Variants in ZC3H18 observed in about 807,000 individuals in gnomAD.
ZC3H18 encodes zinc finger CCCH-type containing 18.
ZC3H18 carries 8 observed loss-of-function variants against 106.1 expected under a neutral mutation model. The ratio of observed to expected loss-of-function variants is 0.08; its 90% CI spans 0.04 to 0.14. The LOEUF (loss-of-function observed/expected upper bound fraction) is 0.14. Ranked by LOEUF, ZC3H18 falls within the 10% of genes least tolerant of loss-of-function variation. ZC3H18 has a pLI of 1.00. For synonymous variants in ZC3H18, 635 were observed against 522.1 expected (o/e 1.22, Z -2.95); for missense variants, 1,318 against 1,278.4 (o/e 1.03, Z -0.47).
In ZC3H18 at chr16:88,577,722, T is replaced by C. The variant is rs1914853041; in HGVS notation, c.599T>C (p.Ile200Thr). 3 of 1,612,828 alleles carry C rather than the reference T, an allele frequency of 1.9e-6. No individual in the cohort carries two copies. The highest frequency in any genetic ancestry group is 2.5e-6 in the Non-Finnish European group (3 of 1,179,934). The change falls in exon 2 of 18, where the codon ATA becomes ACA. Residue 200 changes from isoleucine to threonine, a missense_variant. Physicochemically the swap from Ile to Thr is moderately conservative, Grantham distance 89 (BLOSUM62 -1). This residue lies in a region of ZC3H18 where 346 missense variants were observed against 269.0 expected (regional missense o/e 1.29). Transcript: ENST00000301011. ...DDDGEIDDGE[I>T]DDDDLEEGEV... ...GATGGAGAAATCGATGATGGGGAAA[T>C]AGACGTGAGTATGATGGAGCAGAGC...
At chr16:88,570,804 C>G (rs991528887) in intron 1 of ZC3H18, among the ~76,000 whole-genome samples, 1 of 152,112 alleles carries the variant, frequency 6.6e-6, no homozygotes, top group Non-Finnish European at 1.5e-5. Context: ...CCTGGGCGCC[C>G]GAGCTCCTCG....
intron 2 of ZC3H18, among the ~76,000 whole-genome samples, chr16:88,581,290 A>G (rs1915114195): frequency 6.6e-6 from 1 of 152,094 alleles, no homozygotes; most frequent in South Asian, 2.1e-4. Context: ...CCCTGGCCTG[A>G]TTTATCATTC....
chr16:88,603,712 T>C lies in ZC3H18; in HGVS notation c.1088+3764T>C, dbSNP rs1317485347. ...ATCTGGGCTCACTGCAAGCTCTGCCTCCTGGGTTCACGCCATTCTTCTGCC... is the reference window on the plus strand; with the variant it reads ...ATCTGGGCTCACTGCAAGCTCTGCCCCCTGGGTTCACGCCATTCTTCTGCC... On this transcript the variant is annotated intron_variant, in intron 6 of 17. Coordinates refer to ENST00000301011, the MANE Select transcript of ZC3H18 (RefSeq NM_144604.4). Among the ~76,000 whole-genome samples the C allele has an allele frequency of 2.0e-5, 3 of 148,766 alleles. No homozygotes were observed. The East Asian group carries it at 6.4e-4, about 32-fold the overall frequency.
chr16:88,623,230 G>A lies in ZC3H18; in HGVS notation c.1679G>A (p.Arg560Gln), dbSNP rs61732800. 1.6e-3 allele frequency: 2,589 copies of A among 1,613,044 alleles called. 3 individuals carry two copies. The highest frequency in any genetic ancestry group is 2.0e-3 in the Non-Finnish European group (2,400 of 1,179,926). ...CCCGCCCGCCCCAGGTCGTCTTCGC[G>A]GTCATCGTCCTACTCTGGCTCCGGC... ...SASNSSRSSS[R>Q]SSSYSGSGSS... The change falls in exon 10 of 18, where the codon CGG becomes CAG. Residue 560 changes from arginine (R) to glutamine (Q), a missense_variant. Arg to Gln is a conservative substitution (Grantham distance 43, BLOSUM62 1). Around this residue, in one of 6 missense-constraint regions of ZC3H18, gnomAD observed 848 missense variants for 821.7 expected, o/e 1.03. Transcript: ENST00000301011.
intron 3 of ZC3H18, among the ~76,000 whole-genome samples, chr16:88,588,770 C>T (rs994121990): frequency 1.3e-5 from 2 of 151,786 alleles, no homozygotes; most frequent in African/African-American, 2.4e-5. Context: ...GTCCCAGCTA[C>T]GTGGGGGGTG....
Position 88,628,780 on chromosome 16 carries a change from A to G in ZC3H18, c.2492A>G (p.Lys831Arg). The G allele has an allele frequency of 6.2e-7, 1 of 1,612,380 alleles. No homozygotes were observed. The highest frequency in any genetic ancestry group is 8.5e-7 in the Non-Finnish European group (1 of 1,178,930). The change falls in exon 16 of 18, where the codon AAG (lysine) becomes AGG (arginine). Residue 831 changes from lysine (K) to arginine (R), a missense_variant. Lys to Arg is a conservative substitution (Grantham distance 26). Coordinates refer to ENST00000301011, the MANE Select transcript of ZC3H18 (RefSeq NM_144604.4). ...LNKAADKGSR[K>R]RYEPSDKDRQ... Reference sequence around the variant, plus strand: ...CAGGCGGCTGATAAAGGAAGCAGGAAGCGCTATGAACCATCAGACAAGGAC... The same window carrying G: ...CAGGCGGCTGATAAAGGAAGCAGGAGGCGCTATGAACCATCAGACAAGGAC...
chr16:88,598,349 T>C (rs756974586), intron 4 of ZC3H18, 23 bp downstream of exon 4: 3 of 1,586,308 alleles, frequency 1.9e-6, no homozygotes, highest in South Asian at 2.3e-5. Flanking sequence ...TCTTCTTTCA[T>C]TGTTAGCACA....
chr16:88,608,011 G>T (rs1228386096), intron 6 of ZC3H18, among the ~76,000 whole-genome samples: 1 of 152,114 alleles, frequency 6.6e-6, no homozygotes, highest in African/African-American at 2.4e-5. Flanking sequence ...GTTATAATCT[G>T]TGTCTGTGAA....
chr16:88,623,815 A>G (rs1441088236), intron 10 of ZC3H18, 143 bp from the exon 11 acceptor site: 3 of 1,391,834 alleles, frequency 2.2e-6, no homozygotes, highest in Non-Finnish European at 2.8e-6. Context: ...AGATGACAGA[A>G]CAGTCCAGAA....
intron 2 of ZC3H18, among the ~76,000 whole-genome samples, chr16:88,582,274 G>C (rs1355315587): frequency 8.3e-6 from 1 of 119,942 alleles, no homozygotes. Flanking sequence ...GCCCAGGCCA[G>C]AGTGCAGTGG....
chr16:88,628,653 T>G (rs1322738122), intron 15 of ZC3H18, 105 bp from the exon 16 acceptor site: 2 of 1,243,130 alleles, frequency 1.6e-6, no homozygotes, highest in Non-Finnish European at 2.3e-6. Context: ...GTGGGACCTT[T>G]GGGAGCAGAG....
At chr16:88,594,582 T>C (rs1402332666) in intron 3 of ZC3H18, among the ~76,000 whole-genome samples, 2 of 152,196 alleles carry the variant, frequency 1.3e-5, no homozygotes, top group Non-Finnish European at 2.9e-5. Flanking sequence ...GTTCCCTTTC[T>C]GTAGTTACAT....
intron 1 of ZC3H18, among the ~76,000 whole-genome samples, chr16:88,571,404 A>T: frequency 6.6e-6 from 1 of 152,080 alleles, no homozygotes; most frequent in Admixed American, 6.6e-5. Flanking sequence ...TGTTAGACTC[A>T]CCTCCAGCCT....
At chr16:88,623,051 G>A in intron 9 of ZC3H18, 168 bp from the exon 10 acceptor site, 3 of 887,226 alleles carry the variant, frequency 3.4e-6, no homozygotes, top group Non-Finnish European at 3.4e-6. Context: ...GTCTGGGGGA[G>A]GCTGTATGCG....
At chr16:88,610,599 C>A (rs905000922) in intron 7 of ZC3H18, among the ~76,000 whole-genome samples, 5 of 152,244 alleles carry the variant, frequency 3.3e-5, no homozygotes, top group Non-Finnish European at 5.9e-5. Flanking sequence ...CAACAGAGGC[C>A]TCAAGCCTGA....
intron 6 of ZC3H18, among the ~76,000 whole-genome samples, chr16:88,607,989 G>A (rs903605055): frequency 6.6e-6 from 1 of 152,124 alleles, no homozygotes; most frequent in Non-Finnish European, 1.5e-5. Context: ...TCTCCACTCT[G>A]CCTCCTAACT....
At chr16:88,579,446 T>C (rs1914973560) in intron 2 of ZC3H18, among the ~76,000 whole-genome samples, 1 of 152,096 alleles carries the variant, frequency 6.6e-6, no homozygotes. Context: ...CCCTCAAGTC[T>C]TGGGGGAGAT....
intron 5 of ZC3H18, 122 bp from the exon 6 acceptor site, chr16:88,599,669 C>G (rs1049026504): frequency 1.2e-5 from 14 of 1,192,710 alleles, no homozygotes; most frequent in East Asian, 2.4e-5. Flanking sequence ...TGAGCACTTG[C>G]AGCGTGCAGC....
intron 6 of ZC3H18, 117 bp downstream of exon 6, chr16:88,600,065 T>G (rs1313628757): frequency 7.7e-7 from 1 of 1,305,624 alleles, no homozygotes; most frequent in Non-Finnish European, 1.1e-6. Context: ...CCCCACTCAC[T>G]GGAGTCTCAG....
Sources: allele counts gnomAD v4.1 joint callset (sites outside exome capture counted in the v4.1 genomes callset), GRCh38; gene constraint gnomAD v4.1.1; regional missense constraint gnomAD v4.1.1; transcripts MANE v1.5; gene names NCBI Gene and HGNC (gene_info 2026-07-23, HGNC 2026-07-21).